Variants in TUB observed in about 807,000 individuals in gnomAD.
TUB encodes TUB bipartite transcription factor.
A neutral mutation model predicts 59.7 loss-of-function variants in TUB; 33 were observed. The ratio of observed to expected loss-of-function variants is 0.55; its 90% CI spans 0.42 to 0.74. The LOEUF (loss-of-function observed/expected upper bound fraction) is 0.74, where lower values mean the gene tolerates loss of function less well. TUB is among the 30% of genes least tolerant of loss of function. TUB has a pLI of 0.00. For missense variants in TUB, 659 were observed against 672.0 expected, an observed-to-expected ratio of 0.98 and a Z score of 0.21; for synonymous variants, 293 against 256.4, an observed-to-expected ratio of 1.14 and a Z score of -1.36.
At chr11:8,033,974 A>G (rs1372281685), upstream of TUB, among the ~76,000 whole-genome samples, 6 of 152,228 alleles carry the variant, frequency 3.9e-5, no homozygotes, top group African/African-American at 1.4e-4. Flanking sequence ...GGGCCGGAGA[A>G]TAGGCGTTTG....
At chr11:8,019,468 G>T in intron 1 of TUB, 1 of 1,124,454 alleles carries the variant, frequency 8.9e-7, no homozygotes, top group Admixed American at 4.3e-5. Context: ...GACCCCCAGG[G>T]TGGGCTTGGG....
At position 8,019,460 on chromosome 11, in the gene TUB, C is replaced by T. The variant is rs931425677; in HGVS notation, c.56+102C>T. ...GGCTAGGACTGGCGCGAGCGCCCGA[C>T]CCCCAGGGTGGGCTTGGGCACCCGG... is the stretch of plus-strand genomic sequence containing the variant. On this transcript the variant is annotated intron_variant, in intron 1 of 11. Transcript: ENST00000534099. The T allele has an allele frequency of 8.5e-5, 100 of 1,171,740 alleles. No homozygotes were observed. In the African/African-American group the frequency reaches 1.2e-3, roughly 14 times the overall value. 72.6% of individuals were successfully genotyped at this position (1,171,740 alleles called of 1,614,324 possible).
intron 1 of TUB, among the ~76,000 whole-genome samples, chr11:8,021,148 G>A (rs957566625): frequency 1.3e-5 from 2 of 152,146 alleles, no homozygotes; most frequent in Non-Finnish European, 2.9e-5. Flanking sequence ...ACAGTTTCTT[G>A]GGGAAGTGTT....
chr11:8,077,276 A>G (rs1307937494), upstream of TUB: 1 of 152,230 alleles, frequency 6.6e-6, no homozygotes, highest in Non-Finnish European at 1.5e-5. Flanking sequence ...AACAGAGTCT[A>G]TAGGATATTT....
exon 1 of TUB, chr11:8,019,325 G>A: frequency 7.8e-7 from 1 of 1,282,956 alleles, no homozygotes; most frequent in Non-Finnish European, 9.8e-7. Context: ...AGCAGCCACC[G>A]GACCCTGTCT....
At chr11:8,029,877 G>C (rs986245943) in intron 1 of TUB, among the ~76,000 whole-genome samples, 1 of 152,182 alleles carries the variant, frequency 6.6e-6, no homozygotes, top group Non-Finnish European at 1.5e-5. Flanking sequence ...GAGGCAGGGG[G>C]CTGGAGGCTC....
chr11:8,097,443 A>G lies in TUB; in HGVS notation c.885+18A>G. ...GGAAGAAGGTAAGGTTGGTCTGGGCATGTTATCATCTAGGCTTTACAGCCC... is the reference window on the plus strand; with the variant it reads ...GGAAGAAGGTAAGGTTGGTCTGGGCGTGTTATCATCTAGGCTTTACAGCCC... On this transcript the variant is annotated intron_variant, in intron 7 of 11. Transcript: ENST00000299506. The G allele has an allele frequency of 6.2e-7, 1 of 1,614,192 alleles. No homozygotes were observed. Among genetic ancestry groups the G allele is most frequent in the East Asian group, 2.2e-5 (1 of 44,878 alleles).
Position 8,096,740 on chromosome 11 carries a change from C to T in TUB, c.621C>T (p.Ser207=). The change falls in exon 6 of 12, where the codon AGC becomes AGT. Residue 207 remains serine, a synonymous_variant. Transcript: ENST00000299506. ...DEDEEDEEEN[S]SSSSQLNSNT... ...ATGAGGAGGATGAGGAGGAGAATAG[C>T]TCCAGCTCCTCCCAGCTAAATAGTA... 6.2e-7 allele frequency: 1 copy of T among 1,614,080 alleles called. No homozygotes were observed. Among genetic ancestry groups the T allele is most frequent in the Non-Finnish European group, 8.5e-7 (1 of 1,179,958 alleles).
At chr11:8,064,621 C>G (rs555774598) in intron 2 of TUB, among the ~76,000 whole-genome samples, 1 of 152,032 alleles carries the variant, frequency 6.6e-6, no homozygotes, top group African/African-American at 2.4e-5. Context: ...TAAGTGGGGT[C>G]GAAGACTGTG....
At position 8,091,399 on chromosome 11, in the gene TUB, T is replaced by G. The variant is rs2133837961; in HGVS notation, c.253+1168T>G. 3.3e-5 allele frequency among the ~76,000 whole-genome samples: 5 copies of G among 152,282 alleles called. No individual in the cohort carries two copies. In the South Asian group the frequency reaches 1.0e-3, roughly 32 times the overall value. ...CAAAGGCTGGCTGTACATCTGCCAG[T>G]GGCTAAGTACAGTGCTAGAGGCTTT... On this transcript the variant is annotated intron_variant, in intron 3 of 11. Transcript: ENST00000299506.
At chr11:8,048,314 A>T (rs1326558106) in intron 2 of TUB, among the ~76,000 whole-genome samples, 1 of 152,230 alleles carries the variant, frequency 6.6e-6, no homozygotes, top group Admixed American at 6.5e-5. Context: ...TCATGAATGA[A>T]TGAATAAGTG....
At chr11:8,026,038 C>T (rs1235345143) in intron 1 of TUB, among the ~76,000 whole-genome samples, 3 of 152,200 alleles carry the variant, frequency 2.0e-5, no homozygotes, top group Admixed American at 6.5e-5. Context: ...ATTGTGGTTT[C>T]ATTTTGCATT....
upstream of TUB, chr11:8,038,543 A>C: frequency 9.8e-7 from 1 of 1,021,160 alleles, no homozygotes; most frequent in Non-Finnish European, 1.2e-6. Flanking sequence ...CTGGGTTGCT[A>C]TAGTAACCCA....
intron 1 of TUB, chr11:8,039,136 C>A: frequency 7.4e-7 from 1 of 1,359,502 alleles, no homozygotes; most frequent in Non-Finnish European, 9.8e-7. Context: ...GCCTCCCCTT[C>A]CTGATGGTGC....
intron 2 of TUB, among the ~76,000 whole-genome samples, chr11:8,047,283 C>A (rs774947524): frequency 7.2e-5 from 11 of 152,180 alleles, no homozygotes; most frequent in Non-Finnish European, 1.5e-4. Context: ...TTGGTATCAC[C>A]TCCTCCAGGA....
At chr11:8,056,544 G>T (rs920997009) in intron 2 of TUB, among the ~76,000 whole-genome samples, 1 of 152,144 alleles carries the variant, frequency 6.6e-6, no homozygotes, top group East Asian at 1.9e-4. Context: ...GAAATGCCTG[G>T]GGGGAGGGAA....
In TUB at chr11:8,024,134, G is replaced by A. The variant is rs1269789897; in HGVS notation, c.56+4776G>A. On this transcript the variant is annotated intron_variant, in intron 1 of 11. Transcript: ENST00000534099. ...CTTCATGGCCTACCAGCCTTTTCCC[G>A]GCCTCTCTTCTCTTCCCAGCTTGTA... Among the ~76,000 whole-genome samples the A allele has an allele frequency of 4.6e-5, 7 of 152,188 alleles. No individual in the cohort carries two copies. The South Asian group carries it at 8.3e-4, about 18-fold the overall frequency.
upstream of TUB, among the ~76,000 whole-genome samples, chr11:8,037,562 G>A (rs7112892): frequency 0.11 from 17,331 of 152,170 alleles, 1,832 homozygotes; most frequent in African/African-American, 0.27. Context: ...ATTGGATTCT[G>A]AAGATTCCTA....
intron 1 of TUB, among the ~76,000 whole-genome samples, chr11:8,085,799 G>T (rs970946360): frequency 6.6e-6 from 1 of 152,242 alleles, no homozygotes; most frequent in Non-Finnish European, 1.5e-5. Flanking sequence ...AAGAGAGGGA[G>T]TTCGGAAACA....
Sources: allele counts gnomAD v4.1 joint callset (sites outside exome capture counted in the v4.1 genomes callset), GRCh38; gene constraint gnomAD v4.1.1; transcripts MANE v1.5; gene names NCBI Gene and HGNC (gene_info 2026-07-23, HGNC 2026-07-21).